Variants in NT5DC1 observed in about 807,000 individuals in gnomAD.
NT5DC1 encodes 5'-nucleotidase domain-containing protein 1.
Under a neutral mutation model 59.4 loss-of-function variants are expected in NT5DC1, and 42 were observed. The observed-to-expected ratio is 0.71, with a 90% CI of 0.55 to 0.92. The LOEUF is 0.92. Ranked by LOEUF, NT5DC1 falls within the 40% of genes least tolerant of loss-of-function variation. The pLI, the probability that NT5DC1 is intolerant of heterozygous loss-of-function variation, is 0.00. For missense variants in NT5DC1, 501 were observed against 537.1 expected, an observed-to-expected ratio of 0.93 and a Z score of 0.66; for synonymous variants, 172 against 188.1, an observed-to-expected ratio of 0.91 and a Z score of 0.70.
chr6:116,148,098 C>A (rs2114387848), intron 6 of NT5DC1, among the ~76,000 whole-genome samples: 1 of 152,062 alleles, frequency 6.6e-6, no homozygotes, highest in East Asian at 1.9e-4. Flanking sequence ...TGGTATACAG[C>A]ATTTGTGTAA....
At chr6:116,104,407 A>T (rs562999018) in intron 1 of NT5DC1, among the ~76,000 whole-genome samples, 1 of 152,254 alleles carries the variant, frequency 6.6e-6, no homozygotes, top group East Asian at 1.9e-4. Context: ...TAGACTAATC[A>T]CTTGAATAAC....
At chr6:116,198,211 A>T (rs1781276096) in intron 6 of NT5DC1, among the ~76,000 whole-genome samples, 1 of 152,102 alleles carries the variant, frequency 6.6e-6, no homozygotes. Flanking sequence ...GTTTCTGGGT[A>T]ACAGCCATCT....
At chr6:116,149,872 C>T (rs192935991) in intron 6 of NT5DC1, among the ~76,000 whole-genome samples, 5 of 152,334 alleles carry the variant, frequency 3.3e-5, no homozygotes, top group African/African-American at 1.2e-4. Flanking sequence ...ATTTGCACAA[C>T]AAACCAGCAT....
intron 6 of NT5DC1, among the ~76,000 whole-genome samples, chr6:116,190,514 A>G (rs1781094509): frequency 6.6e-6 from 1 of 151,948 alleles, no homozygotes; most frequent in Non-Finnish European, 1.5e-5. Flanking sequence ...CAAAACAAGC[A>G]TCCCCCCACC....
intron 6 of NT5DC1, among the ~76,000 whole-genome samples, chr6:116,212,830 A>G (rs1781606120): frequency 6.6e-6 from 1 of 152,098 alleles, no homozygotes; most frequent in Non-Finnish European, 1.5e-5. Context: ...AAGTATGTAG[A>G]ATTTGCTTTA....
intron 6 of NT5DC1, chr6:116,121,095 C>A (rs758947447): frequency 6.2e-7 from 1 of 1,613,828 alleles, no homozygotes; most frequent in Non-Finnish European, 8.5e-7. Flanking sequence ...CCCATATTCC[C>A]AGGGGGTCCA....
At chr6:116,135,381 T>C (rs1023948916) in intron 6 of NT5DC1, among the ~76,000 whole-genome samples, 3 of 151,968 alleles carry the variant, frequency 2.0e-5, no homozygotes, top group Non-Finnish European at 4.4e-5. Context: ...GAAAATGATA[T>C]TTCATTTTTT....
chr6:116,106,609 CATA>C (rs1386252806), intron 2 of NT5DC1, among the ~76,000 whole-genome samples: 1 of 152,114 alleles, frequency 6.6e-6, no homozygotes, highest in African/African-American at 2.4e-5. Flanking sequence ...TTAAGTTTGT[CATA>C]ATAGTTTCAG....
At chr6:116,119,057 A>G (rs1779028024) in intron 6 of NT5DC1, 1 of 152,690 alleles carries the variant, frequency 6.5e-6, no homozygotes, top group Non-Finnish European at 1.5e-5. Flanking sequence ...CGTCGTAAAT[A>G]AGGAGTAGGT....
chr6:116,167,666 G>C (rs539083941), intron 6 of NT5DC1, among the ~76,000 whole-genome samples: 21 of 151,930 alleles, frequency 1.4e-4, no homozygotes, highest in African/African-American at 4.6e-4. Context: ...TTTTTAATTT[G>C]TTTGAATTGT....
intron 6 of NT5DC1, among the ~76,000 whole-genome samples, chr6:116,205,970 GT>G (rs1386255174): frequency 1.3e-5 from 2 of 151,906 alleles, no homozygotes; most frequent in Non-Finnish European, 2.9e-5. Flanking sequence ...GCTACCCCAA[GT>G]TTCTCTGCTC....
chr6:116,116,244 A>C (rs1013304368), intron 5 of NT5DC1, among the ~76,000 whole-genome samples: 7 of 152,224 alleles, frequency 4.6e-5, no homozygotes, highest in Non-Finnish European at 1.0e-4. Flanking sequence ...ATCAAGATTA[A>C]ATAGATCTCT....
At chr6:116,159,724 A>G (rs574536168) in intron 6 of NT5DC1, among the ~76,000 whole-genome samples, 151 of 152,312 alleles carry the variant, frequency 9.9e-4, no homozygotes, top group Admixed American at 2.2e-3. Context: ...TGAACCCATT[A>G]CCCAAATAGT....
chr6:116,112,178 G>A (rs1778891179), intron 4 of NT5DC1, among the ~76,000 whole-genome samples: 1 of 152,310 alleles, frequency 6.6e-6, no homozygotes, highest in African/African-American at 2.4e-5. Flanking sequence ...TTCTGAGAAT[G>A]GTCCTGGGAG....
chr6:116,245,908 G>A lies in NT5DC1; in HGVS notation c.*1884G>A, dbSNP rs1328260765. On this transcript the variant is annotated 3_prime_UTR_variant, in exon 12 of 12. Transcript: ENST00000319550. ...CCTGAACAAGTTACCACCAAATTTG[G>A]CTTCAGTTTTTTCCATCTTATGAAA... The A allele has an allele frequency of 6.6e-6, 1 of 151,856 alleles. No homozygotes were observed. Among genetic ancestry groups the A allele is most frequent in the Non-Finnish European group, 1.5e-5 (1 of 67,940 alleles). 9.4% of individuals were successfully genotyped at this position (151,856 alleles called of 1,614,324 possible).
Position 116,223,094 on chromosome 6 carries a change from C to T in NT5DC1, c.765C>T (p.Phe255=), listed in dbSNP as rs1781840990. 6.2e-7 allele frequency: 1 copy of T among 1,607,060 alleles called. No homozygotes were observed. Among genetic ancestry groups the T allele is most frequent in the Non-Finnish European group, 8.5e-7 (1 of 1,173,840 alleles). ...CAAATGCATTGAAGCCTGGTTTCTT[C>T]TCCCACTTACCAAGTCAGAGACCTT... ...VITNALKPGF[F]SHLPSQRPFR... is the part of the protein sequence containing the mutation. The change falls in exon 8 of 12, where the codon TTC becomes TTT. Residue 255 remains phenylalanine, a synonymous_variant. Coordinates refer to ENST00000319550, the MANE Select transcript of NT5DC1 (RefSeq NM_152729.3).
intron 6 of NT5DC1, among the ~76,000 whole-genome samples, chr6:116,144,499 C>CAA (rs542743486): frequency 1.3e-4 from 16 of 125,076 alleles, no homozygotes; most frequent in East Asian, 4.5e-4. Context: ...GACTCCGTCT[C>CAA]AAAAAAAAAA....
intron 6 of NT5DC1, among the ~76,000 whole-genome samples, chr6:116,220,122 CT>C (rs60827021): frequency 0.03 from 2,965 of 98,524 alleles, 8 homozygotes; most frequent in African/African-American, 0.037. Flanking sequence ...GCTGTTTAAC[CT>C]TTTTTTTTTT....
chr6:116,104,805 T>G (rs898370222), intron 1 of NT5DC1, among the ~76,000 whole-genome samples: 6 of 152,216 alleles, frequency 3.9e-5, no homozygotes, highest in Non-Finnish European at 5.9e-5. Context: ...CATAGTACTT[T>G]GTACCACAGG....
Sources: gnomAD v4.1 joint callset for allele counts (sites outside exome capture counted in the v4.1 genomes callset) on GRCh38, gnomAD v4.1.1 for gene constraint, MANE v1.5 for transcripts, NCBI Gene and HGNC (gene_info 2026-07-23, HGNC 2026-07-21) for gene names.